Variants in ABCC4 observed in about 807,000 individuals in gnomAD.
The protein encoded by ABCC4 is ATP binding cassette subfamily C member 4 (PEL blood group).
Under a neutral mutation model 168.5 loss-of-function variants are expected in ABCC4, and 102 were observed. That is an observed-to-expected ratio of 0.61 (90% CI 0.52 to 0.71). ABCC4 has a LOEUF of 0.71. Ranked by LOEUF, ABCC4 falls within the 30% of genes least tolerant of loss-of-function variation. The pLI is 0.00. For synonymous variants in ABCC4, 617 were observed against 590.7 expected (o/e 1.04, Z -0.65); for missense variants, 1,402 against 1,605.8 (o/e 0.87, Z 2.17).
chr13:95,092,939 TA>T (rs1221336650), intron 20 of ABCC4, among the ~76,000 whole-genome samples: 1 of 152,020 alleles, frequency 6.6e-6, no homozygotes, highest in Non-Finnish European at 1.5e-5. Flanking sequence ...CTAGAAAACC[TA>T]GAAGAGATGG....
chr13:95,255,364 G>T (rs2138832536), intron 1 of ABCC4, among the ~76,000 whole-genome samples: 1 of 152,296 alleles, frequency 6.6e-6, no homozygotes, highest in Admixed American at 6.5e-5. Flanking sequence ...CGACACACCT[G>T]ATTTCTTCAA....
At chr13:95,129,657 A>G (rs889024518) in intron 19 of ABCC4, among the ~76,000 whole-genome samples, 2 of 152,234 alleles carry the variant, frequency 1.3e-5, no homozygotes, top group African/African-American at 4.8e-5. Context: ...CATTTGTAGA[A>G]GAAAAATGTT....
intron 1 of ABCC4, among the ~76,000 whole-genome samples, chr13:95,292,430 G>A (rs2041426139): frequency 2.0e-5 from 3 of 152,150 alleles, no homozygotes; most frequent in South Asian, 2.1e-4. Context: ...CATATGAAGG[G>A]AGGTAGCCAA....
At chr13:95,220,144 GT>G (rs1483740763) in intron 4 of ABCC4, among the ~76,000 whole-genome samples, 1 of 151,796 alleles carries the variant, frequency 6.6e-6, no homozygotes, top group Admixed American at 6.6e-5. Context: ...GGGATTATAG[GT>G]GTGAACCAAC....
At chr13:95,259,380 CAAA>C (rs11462774) in intron 1 of ABCC4, among the ~76,000 whole-genome samples, 4 of 128,326 alleles carry the variant, frequency 3.1e-5, no homozygotes, top group African/African-American at 2.7e-5. Flanking sequence ...AACTCCGTCT[CAAA>C]AAAAAAAAAA....
In ABCC4 at chr13:95,098,234, AGGAAG is replaced by A. The variant is rs2034678416; in HGVS notation, c.2536-14949_2536-14945del. Among the ~76,000 whole-genome samples, 3 of 152,110 alleles carry A rather than the reference AGGAAG, an allele frequency of 2.0e-5. No homozygotes were observed. In the East Asian group the frequency reaches 5.8e-4, roughly 29 times the overall value. ...TTGGATGCAGCTAAGCAATACTTAG[AGGAAG>A]TATAACTTTAAATGCATATATTATG... On this transcript the variant is annotated intron_variant, in intron 20 of 30. Transcript: ENST00000645237.
chr13:95,289,964 C>A (rs373208842), intron 1 of ABCC4, among the ~76,000 whole-genome samples: 1 of 151,916 alleles, frequency 6.6e-6, no homozygotes, highest in East Asian at 1.9e-4. Flanking sequence ...GGCATGGTAG[C>A]GCATGCCTAT....
At chr13:95,054,746 T>A (rs2032992072) in intron 26 of ABCC4, among the ~76,000 whole-genome samples, 1 of 152,098 alleles carries the variant, frequency 6.6e-6, no homozygotes, top group South Asian at 2.1e-4. Flanking sequence ...ACCACTGGCC[T>A]CAAATCTCAC....
intron 4 of ABCC4, among the ~76,000 whole-genome samples, chr13:95,211,924 A>T (rs1284331015): frequency 1.3e-5 from 2 of 152,172 alleles, no homozygotes; most frequent in Non-Finnish European, 1.5e-5. Context: ...TCACACCTGT[A>T]ATCCCAGCAC....
At chr13:95,121,700 C>T (rs1281847646) in intron 19 of ABCC4, among the ~76,000 whole-genome samples, 5 of 152,088 alleles carry the variant, frequency 3.3e-5, no homozygotes, top group Non-Finnish European at 5.9e-5. Flanking sequence ...TGAGTCACAG[C>T]GCCCAGCCTC....
chr13:95,177,639 G>C, intron 13 of ABCC4, 68 bp downstream of exon 13: 10 of 1,354,934 alleles, frequency 7.4e-6, no homozygotes, highest in Non-Finnish European at 1.0e-5. Context: ...AAGCCATAAA[G>C]GCTTTCCTGA....
At chr13:95,206,474 G>C in intron 8 of ABCC4, 58 bp downstream of exon 8, 1 of 1,586,624 alleles carries the variant, frequency 6.3e-7, no homozygotes, top group Admixed American at 1.7e-5. Context: ...CTAAATAAAA[G>C]GAGACATCAT....
chr13:95,022,518 T>C (rs1406227289), intron 30 of ABCC4, among the ~76,000 whole-genome samples: 1 of 152,166 alleles, frequency 6.6e-6, no homozygotes, highest in Non-Finnish European at 1.5e-5. Flanking sequence ...CATAACAAAA[T>C]GAAATAATGT....
chr13:95,036,467 T>C (rs576299459), intron 29 of ABCC4, among the ~76,000 whole-genome samples: 1 of 151,672 alleles, frequency 6.6e-6, no homozygotes, highest in East Asian at 1.9e-4. Flanking sequence ...TGAATGCCAC[T>C]GAGACCAGGA....
chr13:95,272,218 G>C (rs1473899372), intron 1 of ABCC4, among the ~76,000 whole-genome samples: 1 of 152,024 alleles, frequency 6.6e-6, no homozygotes, highest in Non-Finnish European at 1.5e-5. Flanking sequence ...CTAATTTTTT[G>C]TATTTTTACT....
chr13:95,021,928 G>A (rs1593949995), intron 30 of ABCC4, among the ~76,000 whole-genome samples: 1 of 152,156 alleles, frequency 6.6e-6, no homozygotes, highest in African/African-American at 2.4e-5. Flanking sequence ...CTGATTCATA[G>A]ATATGTTTTA....
chr13:95,170,361 C>T (rs530056485), intron 14 of ABCC4, 171 bp downstream of exon 14: 15 of 481,458 alleles, frequency 3.1e-5, no homozygotes, highest in Admixed American at 1.1e-4. Flanking sequence ...ACATACTTTA[C>T]GGTAATATGG....
In ABCC4 at chr13:95,301,424, C is replaced by G. The variant is rs932292124; in HGVS notation, c.-110G>C. 1.8e-5 allele frequency: 17 copies of G among 954,870 alleles called. No individual in the cohort carries two copies. The highest frequency in any genetic ancestry group is 2.4e-5 in the Non-Finnish European group (16 of 679,972). The allele number at this position is 954,870 out of a possible 1,614,324, so 59.1% of individuals were successfully genotyped here. The stretch of plus-strand genomic sequence containing the variant: ...GATGCTGGGGCTCCGGCCGCCACGC[C>G]TGTCCGCTCGGCTGGAGCCTGTGAA... On this transcript the variant is annotated 5_prime_UTR_variant, in exon 1 of 31. Coordinates refer to ENST00000645237, the MANE Select transcript of ABCC4 (RefSeq NM_005845.5).
intron 20 of ABCC4, among the ~76,000 whole-genome samples, chr13:95,097,092 T>C (rs2034625478): frequency 6.6e-6 from 1 of 152,182 alleles, no homozygotes; most frequent in African/African-American, 2.4e-5. Flanking sequence ...GATTATTCTA[T>C]TGTTTGCAAA....
Sources: gnomAD v4.1 joint callset for allele counts (sites outside exome capture counted in the v4.1 genomes callset) on GRCh38, gnomAD v4.1.1 for gene constraint, MANE v1.5 for transcripts, NCBI Gene and HGNC (gene_info 2026-07-23, HGNC 2026-07-21) for gene names.